The following SLC9A9 variants were observed in gnomAD, a reference collection of about 807,000 sequenced individuals.
SLC9A9 encodes the protein solute carrier family 9 member A9.
In SLC9A9, 62 loss-of-function variants were observed where a neutral mutation model predicts 77.8. That is an observed-to-expected ratio of 0.80 (90% confidence interval 0.65 to 0.98). The LOEUF (loss-of-function observed/expected upper bound fraction) is 0.98. SLC9A9 is among the 50% of genes least tolerant of loss of function. The pLI is 0.00. For missense variants in SLC9A9, 775 were observed against 774.9 expected, an observed-to-expected ratio of 1.00 and a Z score of 0.00; for synonymous variants, 320 against 283.5, an observed-to-expected ratio of 1.13 and a Z score of -1.29.
chr3:143,751,687 A>G (rs2006722067), intron 4 of SLC9A9, among the ~76,000 whole-genome samples: 1 of 152,188 alleles, frequency 6.6e-6, no homozygotes, highest in South Asian at 2.1e-4. Context: ...CCTCTGCTTC[A>G]GGGTTGGCTT....
chr3:143,469,530 A>C (rs1419231938), intron 11 of SLC9A9, among the ~76,000 whole-genome samples: 1 of 152,222 alleles, frequency 6.6e-6, no homozygotes, highest in Non-Finnish European at 1.5e-5. Context: ...TCGTACATTA[A>C]AGGAATTTTA....
chr3:143,574,502 A>G (rs1268523119), intron 7 of SLC9A9, among the ~76,000 whole-genome samples: 1 of 152,132 alleles, frequency 6.6e-6, no homozygotes, highest in East Asian at 1.9e-4. Context: ...TGCACCCCTC[A>G]GGAAAGGTGT....
At chr3:143,316,703 A>C (rs1171037286) in intron 14 of SLC9A9, among the ~76,000 whole-genome samples, 1 of 152,174 alleles carries the variant, frequency 6.6e-6, no homozygotes, top group Non-Finnish European at 1.5e-5. Flanking sequence ...CCAAAAATAC[A>C]ACTCTGGGGA....
chr3:143,533,847 C>T (rs1372076881), intron 9 of SLC9A9, among the ~76,000 whole-genome samples: 2 of 152,178 alleles, frequency 1.3e-5, no homozygotes, highest in Admixed American at 6.5e-5. Context: ...ATGTAGATAT[C>T]TCCTACAATG....
chr3:143,624,201 T>C (rs1418551850), intron 6 of SLC9A9, among the ~76,000 whole-genome samples: 9 of 152,210 alleles, frequency 5.9e-5, no homozygotes, highest in Non-Finnish European at 1.2e-4. Context: ...GAGGAGCTGG[T>C]ACCATTCCTT....
chr3:143,633,207 T>G (rs2038456631), intron 6 of SLC9A9, among the ~76,000 whole-genome samples: 1 of 152,198 alleles, frequency 6.6e-6, no homozygotes, highest in East Asian at 1.9e-4. Context: ...TTACAACATC[T>G]ATCAGGTGAG....
intron 12 of SLC9A9, among the ~76,000 whole-genome samples, chr3:143,389,263 G>GA (rs1299782010): frequency 2.0e-5 from 3 of 150,236 alleles, no homozygotes; most frequent in Non-Finnish European, 4.4e-5. Flanking sequence ...GGAGAGAAAA[G>GA]AAAAAAAAAG....
intron 12 of SLC9A9, among the ~76,000 whole-genome samples, chr3:143,422,194 C>T (rs1218616819): frequency 6.6e-6 from 1 of 152,068 alleles, no homozygotes; most frequent in East Asian, 1.9e-4. Context: ...GGAGATTTCT[C>T]AAAGAACTTA....
intron 2 of SLC9A9, among the ~76,000 whole-genome samples, chr3:143,828,116 A>G (rs2009345839): frequency 1.3e-5 from 2 of 152,200 alleles, no homozygotes; most frequent in Non-Finnish European, 2.9e-5. Flanking sequence ...TTCTCTAACC[A>G]GTAGTGGGAC....
intron 12 of SLC9A9, among the ~76,000 whole-genome samples, chr3:143,387,302 G>T (rs1173601328): frequency 6.6e-6 from 1 of 152,010 alleles, no homozygotes; most frequent in Non-Finnish European, 1.5e-5. Context: ...GATAGAGAAA[G>T]AAATACATTA....
chr3:143,570,446 C>T (rs1445062958), intron 8 of SLC9A9, among the ~76,000 whole-genome samples: 2 of 151,902 alleles, frequency 1.3e-5, no homozygotes, highest in African/African-American at 2.4e-5. Context: ...ACAAATTTGT[C>T]CAAAAATTTA....
At chr3:143,375,641 A>C (rs2033166824) in intron 13 of SLC9A9, among the ~76,000 whole-genome samples, 1 of 152,220 alleles carries the variant, frequency 6.6e-6, no homozygotes, top group South Asian at 2.1e-4. Context: ...AACTCCAGAC[A>C]CATGAGCAAG....
chr3:143,847,865 C>T, intron 1 of SLC9A9: 1 of 474,458 alleles, frequency 2.1e-6, no homozygotes, highest in South Asian at 2.3e-5. Context: ...ACAAACAGCT[C>T]GCCCTCGACT....
intron 2 of SLC9A9, among the ~76,000 whole-genome samples, chr3:143,800,814 T>C (rs952182922): frequency 5.3e-5 from 8 of 152,176 alleles, no homozygotes; most frequent in Non-Finnish European, 1.0e-4. Context: ...CCTTCAACAT[T>C]TATTCTCCAA....
At chr3:143,647,658 T>G (rs1031450504) in intron 6 of SLC9A9, among the ~76,000 whole-genome samples, 5 of 152,252 alleles carry the variant, frequency 3.3e-5, no homozygotes, top group African/African-American at 1.2e-4. Flanking sequence ...GCATATATTT[T>G]CATTTCTTGA....
At chr3:143,844,271 T>A (rs1394398) in intron 1 of SLC9A9, among the ~76,000 whole-genome samples, 137,295 of 152,070 alleles carry the variant, frequency 0.9, 62,880 homozygotes, top group South Asian at 0.99. Flanking sequence ...TTTCTCTGCA[T>A]TTTTTAAACT....
chr3:143,341,060 C>G (rs1307945265), intron 14 of SLC9A9, among the ~76,000 whole-genome samples: 1 of 152,190 alleles, frequency 6.6e-6, no homozygotes, highest in African/African-American at 2.4e-5. Flanking sequence ...GACTATCCCT[C>G]TCACTATCCT....
chr3:143,797,171 T>C (rs570837042), intron 2 of SLC9A9, among the ~76,000 whole-genome samples: 1 of 50,372 alleles, frequency 2.0e-5, no homozygotes. Context: ...CTGAGAAAAA[T>C]GTCTTTTTAT....
chr3:143,422,811 G>C (rs931466418), intron 12 of SLC9A9, among the ~76,000 whole-genome samples: 1 of 152,246 alleles, frequency 6.6e-6, no homozygotes, highest in Non-Finnish European at 1.5e-5. Context: ...CACACAGCCA[G>C]TGAGTATCAG....
Sources: gnomAD v4.1 joint callset for allele counts (sites outside exome capture counted in the v4.1 genomes callset) on GRCh38, gnomAD v4.1.1 for gene constraint, MANE v1.5 for transcripts, NCBI Gene and HGNC (gene_info 2026-07-23, HGNC 2026-07-21) for gene names.